The following PLS3 variants were observed in gnomAD, a reference collection of about 807,000 sequenced individuals.
PLS3 encodes the protein plastin-3.
PLS3 carries 11 observed loss-of-function variants against 46.5 expected under a neutral mutation model. The ratio of observed to expected loss-of-function variants is 0.24; its 90% CI spans 0.15 to 0.39. The LOEUF is 0.39. Ranked by LOEUF, PLS3 falls within the 10% of genes least tolerant of loss-of-function variation. The pLI, the probability that PLS3 is intolerant of heterozygous loss-of-function variation, is 1.00. For missense variants in PLS3, 308 were observed against 461.8 expected (o/e 0.67, Z 3.05); for synonymous variants, 167 against 162.2 (o/e 1.03, Z -0.22).
At chrX:115,620,898 G>A (rs1556637447) in intron 2 of PLS3, among the ~76,000 whole-genome samples, 1 of 107,353 alleles carries the variant, frequency 9.3e-6, no homozygotes, top group Non-Finnish European at 1.9e-5. Flanking sequence ...TTTGCCATAT[G>A]GGCCAGGCTG....
intron 8 of PLS3, chrX:115,640,154 T>A: frequency 9.5e-7 from 1 of 1,052,961 alleles, no homozygotes; most frequent in Non-Finnish European, 1.3e-6. Flanking sequence ...ACTGGTTATA[T>A]GTTTATTAGC....
intron 1 of PLS3, among the ~76,000 whole-genome samples, chrX:115,606,925 G>T (rs1556635408): frequency 1.8e-5 from 2 of 110,891 alleles, no homozygotes; most frequent in Non-Finnish European, 3.8e-5. Flanking sequence ...GCAGTGCTGG[G>T]ATTGCAGTTC....
In PLS3 at chrX:115,600,634, C is replaced by G. The variant is rs188619465; in HGVS notation, c.-8-9609C>G. Among the ~76,000 whole-genome samples, 8 of 112,528 alleles carry G rather than the reference C, an allele frequency of 7.1e-5. No individual in the cohort carries two copies. The East Asian group carries it at 2.2e-3, about 31-fold the overall frequency. On this transcript the variant is annotated intron_variant, in intron 1 of 15. Transcript: ENST00000355899. Reference sequence around the variant, plus strand: ...GTTCTCTTTGACCAAGTTTAAGAATCTATGTAAAGAAGGTAGATAAACTGA... The same window carrying G: ...GTTCTCTTTGACCAAGTTTAAGAATGTATGTAAAGAAGGTAGATAAACTGA...
chrX:115,606,324 G>C lies in PLS3; in HGVS notation c.-8-3919G>C, dbSNP rs782561493. ...GGATAAGTTTTGCATTTTTGGTAGA[G>C]ACAGGGTTTCACCACGTTGGCCAGG... is the stretch of plus-strand genomic sequence containing the variant. On this transcript the variant is annotated intron_variant, in intron 1 of 15. Transcript: ENST00000355899. Among the ~76,000 whole-genome samples the C allele has an allele frequency of 1.0e-4, 11 of 108,246 alleles. 1 individual carries two copies. The highest frequency in any genetic ancestry group is 2.4e-4 in the African/African-American group (7 of 29,648). 94.0% of individuals were successfully genotyped at this position (108,246 alleles called of 115,157 possible). A position where few individuals can be genotyped will look rare whatever the true frequency, so the allele number is the denominator to read the frequency against.
At chrX:115,622,205 A>G (rs2147516342) in intron 2 of PLS3, 41 bp from the exon 3 acceptor site, 2 of 1,120,168 alleles carry the variant, frequency 1.8e-6, no homozygotes, top group East Asian at 3.0e-5. Context: ...TCTGTCTTTC[A>G]ATTTTTTTTC....
At chrX:115,636,441 C>G (rs2074837262) in intron 7 of PLS3, among the ~76,000 whole-genome samples, 1 of 110,917 alleles carries the variant, frequency 9.0e-6, no homozygotes, top group East Asian at 2.8e-4. Flanking sequence ...CTCCTGACCT[C>G]GTGATCCGCC....
intron 1 of PLS3, among the ~76,000 whole-genome samples, chrX:115,566,863 G>A (rs1010452635): frequency 2.3e-4 from 25 of 109,188 alleles, no homozygotes; most frequent in Admixed American, 2.0e-4. Flanking sequence ...ATTTTTAGTA[G>A]AAATGGGGTT....
In PLS3 at chrX:115,649,819, C is replaced by A; in HGVS notation, c.*258C>A. On this transcript the variant is annotated 3_prime_UTR_variant, in exon 16 of 16. Coordinates refer to ENST00000355899, the MANE Select transcript of PLS3 (RefSeq NM_005032.7). ...TAGCCAAAACATTTTACTCTCTCCT[C>A]CTAGAATGCTGCCCTTGACATTTCC... The A allele has an allele frequency of 4.2e-6, 1 of 236,811 alleles. No homozygotes were observed. The allele number at this position is 236,811 out of a possible 1,213,427, so 19.5% of individuals were successfully genotyped here. A position where few individuals can be genotyped will look rare whatever the true frequency, so the allele number is the denominator to read the frequency against.
At chrX:115,577,623 G>T in intron 1 of PLS3, among the ~76,000 whole-genome samples, 1 of 110,648 alleles carries the variant, frequency 9.0e-6, no homozygotes, top group East Asian at 2.8e-4. Flanking sequence ...GATTACAGGC[G>T]TGCACCACCA....
intron 2 of PLS3, among the ~76,000 whole-genome samples, chrX:115,611,098 TATG>T (rs1377801344): frequency 8.9e-6 from 1 of 112,277 alleles, no homozygotes; most frequent in African/African-American, 3.2e-5. Flanking sequence ...AATTAGCTCA[TATG>T]ATGATTTGTT....
At chrX:115,615,305 T>C (rs1194150612) in intron 2 of PLS3, among the ~76,000 whole-genome samples, 1 of 111,184 alleles carries the variant, frequency 9.0e-6, no homozygotes, top group Non-Finnish European at 1.9e-5. Context: ...TTTAAGGATA[T>C]GCATTCTTGG....
intron 8 of PLS3, chrX:115,639,766 G>T (rs1556640751): frequency 5.5e-6 from 2 of 361,180 alleles, no homozygotes; most frequent in Non-Finnish European, 1.1e-5. Flanking sequence ...AATTCATGTT[G>T]ACTGTGAGCC....
chrX:115,581,025 C>A (rs73636299), intron 1 of PLS3, among the ~76,000 whole-genome samples: 3,194 of 111,217 alleles, frequency 0.029, 114 homozygotes, highest in African/African-American at 0.098. Context: ...CGTGAACCAC[C>A]ATGCCCGGCC....
rs1225569025 is a variant in PLS3, at chrX:115,569,048, A to T, written c.-9+7788A>T. 2.1e-3 allele frequency among the ~76,000 whole-genome samples: 230 copies of T among 109,502 alleles called. 1 individual carries two copies. The highest frequency in any genetic ancestry group is 3.1e-3 in the Admixed American group (31 of 10,162). ...ACGACTCCGTTTCAAAAAAAAAAAA[A>T]AAAAAAGAAGAAGAAAAAAGAAAAG... On this transcript the variant is annotated intron_variant, in intron 1 of 15. Coordinates refer to ENST00000355899, the MANE Select transcript of PLS3 (RefSeq NM_005032.7).
intron 2 of PLS3, chrX:115,614,430 A>C (rs1343194106): frequency 2.8e-5 from 21 of 751,480 alleles, no homozygotes; most frequent in Non-Finnish European, 3.0e-5. Context: ...CCATCTTTGG[A>C]AATCCACTAG....
At chrX:115,574,016 ATTCAAATTGAGCAGGAATACGTAGGATT>A (rs1327384718) in intron 1 of PLS3, among the ~76,000 whole-genome samples, 1 of 111,204 alleles carries the variant, frequency 9.0e-6, no homozygotes, top group Non-Finnish European at 1.9e-5. Flanking sequence ...TTGTCACAGA[ATTCAAATTGAGCAGGAATACGTAGGATT>A]TCAAATCTAA....
At chrX:115,641,545 G>T (rs1204582068) in intron 9 of PLS3, among the ~76,000 whole-genome samples, 1 of 110,311 alleles carries the variant, frequency 9.1e-6, no homozygotes, top group Non-Finnish European at 1.9e-5. Flanking sequence ...CCATTTTTAT[G>T]CTGCCCTTAT....
intron 9 of PLS3, among the ~76,000 whole-genome samples, chrX:115,640,726 G>A (rs782208780): frequency 1.4e-4 from 16 of 111,522 alleles, no homozygotes; most frequent in Non-Finnish European, 2.8e-4. Context: ...TATATGGATG[G>A]CATAAAATAT....
intron 1 of PLS3, among the ~76,000 whole-genome samples, chrX:115,571,507 G>A (rs1225737261): frequency 3.6e-4 from 25 of 69,901 alleles, no homozygotes; most frequent in Admixed American, 8.6e-4. Flanking sequence ...GACAGAGCAA[G>A]ACTCTGGAAA....
Sources: gnomAD v4.1 joint callset for allele counts (sites outside exome capture counted in the v4.1 genomes callset) on GRCh38, gnomAD v4.1.1 for gene constraint, MANE v1.5 for transcripts, NCBI Gene and HGNC (gene_info 2026-07-23, HGNC 2026-07-21) for gene names.